The following MBLAC2 variants were observed in gnomAD, a reference collection of about 807,000 sequenced individuals.
MBLAC2 encodes acyl-coenzyme A thioesterase MBLAC2.
A neutral mutation model predicts 23.3 loss-of-function variants in MBLAC2; 24 were observed. The observed-to-expected ratio is 1.03, with a 90% CI of 0.75 to 1.45. MBLAC2 has a LOEUF of 1.45. Ranked by LOEUF, MBLAC2 falls within the 40% of genes most tolerant of loss-of-function variation. The pLI is 0.00. For missense variants in MBLAC2, 358 were observed against 370.0 expected (o/e 0.97, Z 0.27); for synonymous variants, 162 against 150.9 (o/e 1.07, Z -0.54).
intron 1 of MBLAC2, chr5:90,473,517 T>C (rs1180317951): frequency 3.4e-6 from 2 of 590,110 alleles, no homozygotes; most frequent in Non-Finnish European, 5.9e-6. Context: ...GAATGAGAAA[T>C]CCCTAGTCAG....
In MBLAC2 at chr5:90,459,040, A is replaced by C. The variant is rs1309035400; in HGVS notation, c.*2127T>G. 2 of 152,570 alleles carry C rather than the reference A, an allele frequency of 1.3e-5. No individual in the cohort carries two copies. Among genetic ancestry groups the C allele is most frequent in the East Asian group, 3.8e-4 (2 of 5,200 alleles). 9.5% of individuals were successfully genotyped at this position (152,570 alleles called of 1,614,324 possible). On this transcript the variant is annotated 3_prime_UTR_variant, in exon 2 of 2. Transcript: ENST00000316610. ...CCTACTATACCCTGATTTTTTAAAA[A>C]AAGGCCTAAAATATGATAAAAATGG...
At position 90,474,313 on chromosome 5, in the gene MBLAC2, G is replaced by A; in HGVS notation, c.-21C>T. 1.2e-6 allele frequency: 2 copies of A among 1,608,600 alleles called. No individual in the cohort carries two copies. The highest frequency in any genetic ancestry group is 1.7e-6 in the Non-Finnish European group (2 of 1,177,212). ...GACATGCTGGGCAGGGGTGCAGCCA[G>A]GCGGGGTGAGTGTGGGCGTGCGAGT... On this transcript the variant is annotated 5_prime_UTR_variant, in exon 1 of 2. Coordinates refer to ENST00000316610, the MANE Select transcript of MBLAC2 (RefSeq NM_203406.2).
intron 1 of MBLAC2, among the ~76,000 whole-genome samples, chr5:90,469,091 G>A (rs1490059647): frequency 1.3e-5 from 2 of 152,104 alleles, no homozygotes; most frequent in Non-Finnish European, 2.9e-5. Flanking sequence ...TCAGCCTCCC[G>A]AGTAGCTGGG....
intron 1 of MBLAC2, among the ~76,000 whole-genome samples, chr5:90,465,861 G>A (rs1240324981): frequency 6.6e-6 from 1 of 152,092 alleles, no homozygotes; most frequent in East Asian, 1.9e-4. Flanking sequence ...CACCATATCC[G>A]GTAATCTTAA....
chr5:90,458,976 C>A lies in MBLAC2; in HGVS notation c.*2191G>T, dbSNP rs1750311195. On this transcript the variant is annotated 3_prime_UTR_variant, in exon 2 of 2. Transcript: ENST00000316610. ...AAAATTGCACTTTTTATAAATAAAT[C>A]CTTCAGCAGGTTTAAATATTTCCTA... 6.6e-6 allele frequency: 1 copy of A among 152,376 alleles called. No homozygotes were observed. The highest frequency in any genetic ancestry group is 1.5e-5 in the Non-Finnish European group (1 of 67,952). The allele number at this position is 152,376 out of a possible 1,614,324, so 9.4% of individuals were successfully genotyped here. A position where few individuals can be genotyped will look rare whatever the true frequency, so the allele number is the denominator to read the frequency against.
chr5:90,463,005 C>G (rs1012029493), intron 1 of MBLAC2, among the ~76,000 whole-genome samples: 2 of 152,144 alleles, frequency 1.3e-5, no homozygotes, highest in African/African-American at 2.4e-5. Flanking sequence ...GGAATAAAAT[C>G]ATACAAAGTA....
At chr5:90,470,960 G>T (rs969798885) in intron 1 of MBLAC2, among the ~76,000 whole-genome samples, 7 of 152,094 alleles carry the variant, frequency 4.6e-5, no homozygotes, top group African/African-American at 1.7e-4. Context: ...AAGAAATTCT[G>T]CTTACTCTTC....
chr5:90,473,714 G>A, intron 1 of MBLAC2, 125 bp downstream of exon 1: 1 of 919,284 alleles, frequency 1.1e-6, no homozygotes, highest in Non-Finnish European at 1.7e-6. Flanking sequence ...TGAAACAGAA[G>A]TGGCTCTGCG....
At chr5:90,470,155 A>G (rs1444676299) in intron 1 of MBLAC2, among the ~76,000 whole-genome samples, 1 of 152,198 alleles carries the variant, frequency 6.6e-6, no homozygotes, top group Non-Finnish European at 1.5e-5. Context: ...TCCCACGTTT[A>G]TACTCATATG....
intron 1 of MBLAC2, among the ~76,000 whole-genome samples, chr5:90,467,412 A>G (rs1750466466): frequency 6.6e-6 from 1 of 152,126 alleles, no homozygotes; most frequent in Non-Finnish European, 1.5e-5. Flanking sequence ...TTCCTGTTGG[A>G]CTAGTCCTTT....
At chr5:90,473,799 C>T (rs1261458420) in intron 1 of MBLAC2, 40 bp downstream of exon 1, 7 of 1,527,664 alleles carry the variant, frequency 4.6e-6, no homozygotes, top group Non-Finnish European at 6.2e-6. Flanking sequence ...TTCCCAATAC[C>T]CTCCCTTAAC....
chr5:90,461,200 A>C lies in MBLAC2; in HGVS notation c.807T>G (p.Ala269=). The part of the protein sequence containing the change: ...TFAMRSLASL[A]LRVTNSRTSP ...AGGTCCTAGAATTTGTTACACGTAGAGCTAAACTTGCAAGAGATCGCATGG... is the reference window on the plus strand; with the variant it reads ...AGGTCCTAGAATTTGTTACACGTAGCGCTAAACTTGCAAGAGATCGCATGG... The change falls in exon 2 of 2, where the codon GCT becomes GCG. Residue 269 remains alanine, a synonymous_variant. Coordinates refer to ENST00000316610, the MANE Select transcript of MBLAC2 (RefSeq NM_203406.2). The C allele has an allele frequency of 1.2e-6, 2 of 1,611,872 alleles. No homozygotes were observed. Among genetic ancestry groups the C allele is most frequent in the Non-Finnish European group, 1.7e-6 (2 of 1,179,088 alleles).
intron 1 of MBLAC2, among the ~76,000 whole-genome samples, chr5:90,470,756 G>GCACACA (rs35909248): frequency 0.01 from 1,417 of 140,636 alleles, 24 homozygotes; most frequent in African/African-American, 0.033. Context: ...TAGCGCGCGC[G>GCACACA]CACACACACA....
chr5:90,465,421 A>G (rs544326388), intron 1 of MBLAC2, among the ~76,000 whole-genome samples: 4 of 152,198 alleles, frequency 2.6e-5, no homozygotes, highest in Non-Finnish European at 4.4e-5. Context: ...CAATATTGCT[A>G]TGATGGTAAT....
intron 1 of MBLAC2, among the ~76,000 whole-genome samples, chr5:90,470,722 CTG>C (rs970167238): frequency 6.6e-6 from 1 of 150,918 alleles, no homozygotes; most frequent in African/African-American, 2.4e-5. Flanking sequence ...ACTCTTTCTC[CTG>C]TCTCTCATCC....
At chr5:90,471,031 G>GC (rs1381532186) in intron 1 of MBLAC2, among the ~76,000 whole-genome samples, 3 of 152,140 alleles carry the variant, frequency 2.0e-5, no homozygotes, top group African/African-American at 4.8e-5. Context: ...TAAGGCTTCA[G>GC]CGGTGCAAAC....
chr5:90,470,924 T>C (rs566892458), intron 1 of MBLAC2, among the ~76,000 whole-genome samples: 1 of 151,840 alleles, frequency 6.6e-6, no homozygotes, highest in East Asian at 1.9e-4. Context: ...TTCACTAGAG[T>C]TTTAAGAGCT....
At position 90,474,384 on chromosome 5, in the gene MBLAC2, G is replaced by C. The variant is rs377076752; in HGVS notation, c.-92C>G. 1,017 of 1,206,444 alleles carry C rather than the reference G, an allele frequency of 8.4e-4. 22 individuals carry two copies. The South Asian group carries it at 0.013, about 15-fold the overall frequency. 74.7% of individuals were successfully genotyped at this position (1,206,444 alleles called of 1,614,324 possible). On this transcript the variant is annotated 5_prime_UTR_variant, in exon 1 of 2. Transcript: ENST00000316610. Reference sequence around the variant, plus strand: ...ACAGGGCACTGCGGCTGTGTGAAGCGGTCTGCCTGCAGCCAGGGAGGAGGC... The same window carrying C: ...ACAGGGCACTGCGGCTGTGTGAAGCCGTCTGCCTGCAGCCAGGGAGGAGGC...
At chr5:90,466,472 CACA>C (rs1224663117) in intron 1 of MBLAC2, among the ~76,000 whole-genome samples, 2 of 152,110 alleles carry the variant, frequency 1.3e-5, no homozygotes, top group Non-Finnish European at 2.9e-5. Flanking sequence ...TTAAATATGA[CACA>C]ACAATCATAA....
Sources: allele counts gnomAD v4.1 joint callset (sites outside exome capture counted in the v4.1 genomes callset), GRCh38; gene constraint gnomAD v4.1.1; transcripts MANE v1.5; gene names NCBI Gene and HGNC (gene_info 2026-07-23, HGNC 2026-07-21).